The following DCLK2 variants were observed in gnomAD, a reference collection of about 807,000 sequenced individuals.
DCLK2 encodes the protein doublecortin like kinase 2, also known as serine/threonine-protein kinase DCLK2.
In DCLK2, 31 loss-of-function variants were observed where a neutral mutation model predicts 78.4. The observed-to-expected ratio is 0.40, with a 90% CI of 0.30 to 0.53. The LOEUF (loss-of-function observed/expected upper bound fraction) is 0.53, where lower values mean the gene tolerates loss of function less well. DCLK2 is among the 20% of genes least tolerant of loss of function. DCLK2 has a pLI of 0.61. For missense variants in DCLK2, 872 were observed against 973.7 expected (o/e 0.90, Z 1.39); for synonymous variants, 407 against 374.9 (o/e 1.09, Z -0.99).
intron 2 of DCLK2, among the ~76,000 whole-genome samples, chr4:150,141,707 A>AT (rs932522521): frequency 1.3e-5 from 2 of 152,156 alleles, no homozygotes; most frequent in African/African-American, 4.8e-5. Context: ...GTGTACGTTC[A>AT]TTTTTTTAGC....
intron 2 of DCLK2, among the ~76,000 whole-genome samples, chr4:150,122,152 T>C (rs917517677): frequency 6.6e-6 from 1 of 152,218 alleles, no homozygotes; most frequent in African/African-American, 2.4e-5. Flanking sequence ...TTTCAAAATT[T>C]GTCATTCCTC....
intron 2 of DCLK2, among the ~76,000 whole-genome samples, chr4:150,153,629 G>C (rs1366924789): frequency 2.0e-5 from 3 of 151,772 alleles, no homozygotes; most frequent in African/African-American, 4.8e-5. Flanking sequence ...TGCCCAGGCT[G>C]GTCTTGACCT....
At position 150,168,212 on chromosome 4, in the gene DCLK2, A is replaced by G. The variant is rs190986413; in HGVS notation, c.757-24926A>G. Among the ~76,000 whole-genome samples, 980 of 152,142 alleles carry G rather than the reference A, an allele frequency of 6.4e-3. 8 individuals are homozygous for G. The highest frequency in any genetic ancestry group is 0.011 in the South Asian group (55 of 4,800). On this transcript the variant is annotated intron_variant, in intron 2 of 15. Coordinates refer to ENST00000296550, the MANE Select transcript of DCLK2 (RefSeq NM_001040260.4). The stretch of plus-strand genomic sequence containing the variant: ...CAAAAAATTAGCTGGGCGTGGTGGC[A>G]GGCGCCTGTAGTCCCAGCTACTCTG...
intron 12 of DCLK2, among the ~76,000 whole-genome samples, chr4:150,240,747 A>C: frequency 8.6e-6 from 1 of 116,128 alleles, no homozygotes; most frequent in African/African-American, 2.9e-5. Flanking sequence ...CTTAAAATAT[A>C]ATAAAAAAAA....
chr4:150,193,415 C>A (rs570088060), intron 3 of DCLK2, among the ~76,000 whole-genome samples, 175 bp downstream of exon 3: 1 of 152,084 alleles, frequency 6.6e-6, no homozygotes, highest in African/African-American at 2.4e-5. Context: ...AAAGCATTTG[C>A]CTACTTATAA....
chr4:150,115,450 G>A (rs964275845), intron 2 of DCLK2, among the ~76,000 whole-genome samples: 6 of 151,778 alleles, frequency 4.0e-5, no homozygotes, highest in East Asian at 1.9e-4. Flanking sequence ...TTTTGTTGCC[G>A]GAATTATTTT....
rs904633619 is a variant in DCLK2, at chr4:150,174,545, C to T, written c.757-18593C>T. ...TTCGTTTAAGAAGGGGACCTGAGGCCGGGCACAGTGGCTCACACCTGTAAT... is the reference window on the plus strand; with the variant it reads ...TTCGTTTAAGAAGGGGACCTGAGGCTGGGCACAGTGGCTCACACCTGTAAT... On this transcript the variant is annotated intron_variant, in intron 2 of 15. Transcript: ENST00000296550. Among the ~76,000 whole-genome samples, 8 of 152,084 alleles carry T rather than the reference C, an allele frequency of 5.3e-5. No homozygotes were observed. The South Asian group carries it at 1.5e-3, about 28-fold the overall frequency.
chr4:150,177,487 A>G (rs1392774858), intron 2 of DCLK2, among the ~76,000 whole-genome samples: 1 of 152,210 alleles, frequency 6.6e-6, no homozygotes, highest in Non-Finnish European at 1.5e-5. Context: ...AACTTTGGTC[A>G]CTAAAATGGT....
At chr4:150,231,936 C>G (rs1034025677) in intron 8 of DCLK2, among the ~76,000 whole-genome samples, 2 of 152,150 alleles carry the variant, frequency 1.3e-5, no homozygotes, top group Non-Finnish European at 2.9e-5. Context: ...TCTTATATGC[C>G]TAGTCTTTAT....
chr4:150,220,607 A>C, intron 5 of DCLK2, 96 bp from the exon 6 acceptor site: 1 of 1,031,286 alleles, frequency 9.7e-7, no homozygotes, highest in South Asian at 1.5e-5. Context: ...TCTGTGACAC[A>C]TTTTTACATT....
chr4:150,102,804 G>A lies in DCLK2; in HGVS notation c.748G>A (p.Gly250Arg). The change falls in exon 2 of 16, where the codon GGA (glycine) becomes AGA (arginine). Residue 250 changes from glycine to arginine, a missense_variant. Coordinates refer to ENST00000296550, the MANE Select transcript of DCLK2 (RefSeq NM_001040260.4). ...GVVKRLCTLD[G>R]KQVTCLQDFF... ...CGTCAAGAGGCTCTGCACCCTGGAT[G>A]GAAAGCAGGTAAGATGCTTCTAGCT... The A allele has an allele frequency of 6.2e-7, 1 of 1,602,044 alleles. No individual in the cohort carries two copies.
At chr4:150,104,679 A>G (rs986852353) in intron 2 of DCLK2, among the ~76,000 whole-genome samples, 5 of 152,032 alleles carry the variant, frequency 3.3e-5, no homozygotes, top group African/African-American at 1.2e-4. Flanking sequence ...GCACATATTC[A>G]TAATCCCAAA....
intron 2 of DCLK2, among the ~76,000 whole-genome samples, chr4:150,150,626 G>A (rs762925070): frequency 1.2e-4 from 18 of 152,156 alleles, no homozygotes; most frequent in Non-Finnish European, 2.1e-4. Context: ...TTACCCTTGA[G>A]CCTGACACTT....
intron 2 of DCLK2, among the ~76,000 whole-genome samples, chr4:150,133,309 A>T (rs1580565128): frequency 1.3e-5 from 2 of 152,160 alleles, no homozygotes; most frequent in East Asian, 3.9e-4. Context: ...CGCAACTCAG[A>T]TTTTTTACCT....
intron 2 of DCLK2, among the ~76,000 whole-genome samples, chr4:150,125,736 A>G (rs1732877218): frequency 6.6e-6 from 1 of 151,994 alleles, no homozygotes; most frequent in Non-Finnish European, 1.5e-5. Flanking sequence ...CTAAAAATAC[A>G]AAAAATTAGC....
chr4:150,189,334 C>T (rs986824221), intron 2 of DCLK2, among the ~76,000 whole-genome samples: 3 of 151,922 alleles, frequency 2.0e-5, no homozygotes, highest in Non-Finnish European at 2.9e-5. Flanking sequence ...ATAAGGTAGA[C>T]ATAACTGACT....
intron 15 of DCLK2, among the ~76,000 whole-genome samples, chr4:150,255,231 G>A (rs1744473247): frequency 6.6e-6 from 1 of 152,184 alleles, no homozygotes; most frequent in African/African-American, 2.4e-5. Context: ...TCAGCTAAAG[G>A]TGCCTGGGAA....
rs202183079 is a variant in DCLK2 at position 150,247,723 on chromosome 4, G to A, written c.1875+24G>A. 84 of 1,600,400 alleles carry A rather than the reference G, an allele frequency of 5.2e-5. No individual in the cohort carries two copies. In the Admixed American group the frequency reaches 1.1e-3, roughly 20 times the overall value. On this transcript the variant is annotated intron_variant, in intron 13 of 15. Coordinates refer to ENST00000296550, the MANE Select transcript of DCLK2 (RefSeq NM_001040260.4). Reference sequence around the variant, plus strand: ...AGGTACCCTCCAGGCCTGTTTCTGTGGGTTGTATTACGTTGTGGGGTCCTC... The same window carrying A: ...AGGTACCCTCCAGGCCTGTTTCTGTAGGTTGTATTACGTTGTGGGGTCCTC...
rs4521329 is a variant in DCLK2, at chr4:150,105,958, T to A, written c.756+3146T>A. ...TGCTGTTCTGATATCCACTACTACT[T>A]CCTCATATCTGCTCAAAAACAAAAA... On this transcript the variant is annotated intron_variant, in intron 2 of 15. Transcript: ENST00000296550. Among the ~76,000 whole-genome samples the A allele has an allele frequency of 6.3e-3, 958 of 152,132 alleles. 32 individuals are homozygous for A. Among genetic ancestry groups the A allele is most frequent in the Admixed American group, 0.058 (884 of 15,274 alleles).
Sources: gnomAD v4.1 joint callset for allele counts (sites outside exome capture counted in the v4.1 genomes callset) on GRCh38, gnomAD v4.1.1 for gene constraint, MANE v1.5 for transcripts, NCBI Gene and HGNC (gene_info 2026-07-23, HGNC 2026-07-21) for gene names.